MAGI2: variants seen among roughly 807,000 people sequenced by gnomAD.
MAGI2 encodes membrane associated guanylate kinase, WW and PDZ domain containing 2.
MAGI2 carries 35 observed loss-of-function variants against 133.3 expected under a neutral mutation model. The ratio of observed to expected loss-of-function variants is 0.26; its 90% CI spans 0.20 to 0.35. The LOEUF (loss-of-function observed/expected upper bound fraction) is 0.35, where lower values mean the gene tolerates loss of function less well. MAGI2 is among the 10% of genes least tolerant of loss of function. The pLI, the probability that MAGI2 is intolerant of heterozygous loss-of-function variation, is 1.00. For synonymous variants in MAGI2, 729 were observed against 710.6 expected, an observed-to-expected ratio of 1.03 and a Z score of -0.41; for missense variants, 1,636 against 1,863.4, an observed-to-expected ratio of 0.88 and a Z score of 2.25.
intron 1 of MAGI2, among the ~76,000 whole-genome samples, chr7:79,337,989 C>T (rs7793442): frequency 0.055 from 8,293 of 152,164 alleles, 721 homozygotes; most frequent in African/African-American, 0.19. Context: ...GATGATTGAG[C>T]AGCAATGAAC....
At chr7:78,421,513 G>T (rs1015024076) in intron 6 of MAGI2, among the ~76,000 whole-genome samples, 2 of 152,138 alleles carry the variant, frequency 1.3e-5, no homozygotes, top group Admixed American at 6.6e-5. Context: ...AAATAACAAT[G>T]ATAGACAACA....
chr7:79,096,899 G>T (rs1014106517), intron 1 of MAGI2, among the ~76,000 whole-genome samples: 5 of 152,020 alleles, frequency 3.3e-5, no homozygotes, highest in African/African-American at 1.2e-4. Context: ...CTCTAAAAGA[G>T]ACTTATTAAT....
At chr7:78,815,789 C>G (rs1183534461) in intron 2 of MAGI2, among the ~76,000 whole-genome samples, 1 of 152,146 alleles carries the variant, frequency 6.6e-6, no homozygotes, top group African/African-American at 2.4e-5. Flanking sequence ...CACCAAATAG[C>G]TGTTCTGTCT....
chr7:79,398,516 A>T (rs186958114), intron 1 of MAGI2, among the ~76,000 whole-genome samples: 1 of 152,342 alleles, frequency 6.6e-6, no homozygotes, highest in Non-Finnish European at 1.5e-5. Context: ...AAAGCAGCCA[A>T]GAATAATTGA....
At chr7:78,825,007 GT>G (rs1251438182) in intron 2 of MAGI2, among the ~76,000 whole-genome samples, 1 of 152,098 alleles carries the variant, frequency 6.6e-6, no homozygotes, top group Non-Finnish European at 1.5e-5. Context: ...ATAAGTGGGA[GT>G]TGAATAATGA....
At chr7:78,559,882 A>C (rs1800233057) in intron 3 of MAGI2, among the ~76,000 whole-genome samples, 2 of 152,164 alleles carry the variant, frequency 1.3e-5, no homozygotes, top group African/African-American at 4.8e-5. Context: ...ACCCACTGTC[A>C]CACCTGGGCA....
At position 79,333,036 on chromosome 7, in the gene MAGI2, C is replaced by T. The variant is rs370026527; in HGVS notation, c.301+119984G>A. Among the ~76,000 whole-genome samples the T allele has an allele frequency of 3.9e-5, 6 of 152,282 alleles. No homozygotes were observed. The East Asian group carries it at 7.7e-4, about 20-fold the overall frequency. ...AGATACGTGATTTGTCAGTATAGCT[C>T]TCATCCAGTCCCACTACTGCCCACT... is the stretch of plus-strand genomic sequence containing the variant. On this transcript the variant is annotated intron_variant, in intron 1 of 21. Coordinates refer to ENST00000354212, the MANE Select transcript of MAGI2 (RefSeq NM_012301.4).
chr7:78,646,393 A>G (rs77203746), intron 2 of MAGI2, among the ~76,000 whole-genome samples: 1 of 152,194 alleles, frequency 6.6e-6, no homozygotes, highest in East Asian at 1.9e-4. Context: ...TTAAAGCAAG[A>G]AAAAATTGTA....
At chr7:79,317,885 A>T (rs936732218) in intron 1 of MAGI2, among the ~76,000 whole-genome samples, 3 of 152,180 alleles carry the variant, frequency 2.0e-5, no homozygotes, top group Admixed American at 1.3e-4. Flanking sequence ...GCAGCATGTC[A>T]GTTCAGTTAA....
intron 21 of MAGI2, among the ~76,000 whole-genome samples, chr7:78,055,537 A>G (rs1462002921): frequency 6.6e-6 from 1 of 152,162 alleles, no homozygotes; most frequent in East Asian, 1.9e-4. Flanking sequence ...ATAATAAGTC[A>G]TCGTGAAAAG....
At chr7:79,381,887 C>T (rs971824605) in intron 1 of MAGI2, among the ~76,000 whole-genome samples, 1 of 151,680 alleles carries the variant, frequency 6.6e-6, no homozygotes, top group African/African-American at 2.4e-5. Flanking sequence ...TAACAAAGCA[C>T]ATTTACAAAT....
At chr7:78,516,269 C>T (rs1796033694) in intron 4 of MAGI2, among the ~76,000 whole-genome samples, 1 of 152,100 alleles carries the variant, frequency 6.6e-6, no homozygotes, top group African/African-American at 2.4e-5. Context: ...TGTAACAGGA[C>T]CTGAGTTGCT....
chr7:79,362,552 C>CA (rs1842434937), intron 1 of MAGI2, among the ~76,000 whole-genome samples: 1 of 151,870 alleles, frequency 6.6e-6, no homozygotes, highest in African/African-American at 2.4e-5. Context: ...AAAATATTAA[C>CA]AAACCAAATT....
At chr7:79,402,365 G>C (rs1845526676) in intron 1 of MAGI2, among the ~76,000 whole-genome samples, 1 of 152,054 alleles carries the variant, frequency 6.6e-6, no homozygotes. Flanking sequence ...GACAGAGGGA[G>C]GGACATAGGA....
intron 2 of MAGI2, among the ~76,000 whole-genome samples, chr7:78,815,313 T>G (rs1478483118): frequency 2.6e-5 from 4 of 152,154 alleles, no homozygotes; most frequent in African/African-American, 9.7e-5. Flanking sequence ...CATTTTCTGC[T>G]CATCCTAGGG....
At chr7:78,164,709 T>C (rs949386229) in intron 15 of MAGI2, among the ~76,000 whole-genome samples, 1 of 152,240 alleles carries the variant, frequency 6.6e-6, no homozygotes, top group Non-Finnish European at 1.5e-5. Context: ...CCTTAGGTGT[T>C]AGAGAAAAGA....
chr7:79,186,317 T>C (rs1401903783), intron 1 of MAGI2, among the ~76,000 whole-genome samples: 3 of 148,626 alleles, frequency 2.0e-5, no homozygotes, highest in South Asian at 2.1e-4. Context: ...CATGCACTTA[T>C]CACTCAGTCT....
At chr7:79,115,121 T>C (rs553677548) in intron 1 of MAGI2, among the ~76,000 whole-genome samples, 2 of 152,282 alleles carry the variant, frequency 1.3e-5, no homozygotes, top group South Asian at 4.1e-4. Context: ...GGAGGAAGGA[T>C]AGGTTTGCAT....
At position 78,361,058 on chromosome 7, in the gene MAGI2, C is replaced by T. The variant is rs985146104; in HGVS notation, c.1103+8098G>A. ...ATTGTGCTATTTGTCTATGCTTAGC[C>T]TCTCCAGAAGTGCCTAAACAAGGGC... On this transcript the variant is annotated intron_variant, in intron 7 of 21. Coordinates refer to ENST00000354212, the MANE Select transcript of MAGI2 (RefSeq NM_012301.4). Among the ~76,000 whole-genome samples, 4 of 151,876 alleles carry T rather than the reference C, an allele frequency of 2.6e-5. No individual in the cohort carries two copies. In the East Asian group the frequency reaches 7.8e-4, roughly 30 times the overall value.
Sources: gnomAD v4.1 joint callset for allele counts (sites outside exome capture counted in the v4.1 genomes callset) on GRCh38, gnomAD v4.1.1 for gene constraint, MANE v1.5 for transcripts, NCBI Gene and HGNC (gene_info 2026-07-23, HGNC 2026-07-21) for gene names.